FGF14: variants seen among roughly 807,000 people sequenced by gnomAD.
The protein encoded by FGF14 is fibroblast growth factor 14.
FGF14 carries 5 observed loss-of-function variants against 25.5 expected under a neutral mutation model. The ratio of observed to expected loss-of-function variants is 0.20; its 90% CI spans 0.10 to 0.41. FGF14 has a LOEUF of 0.41. Ranked by LOEUF, FGF14 falls within the 10% of genes least tolerant of loss-of-function variation. The probability of loss-of-function intolerance (pLI) is 1.00; values close to 1 mark genes in which losing one functional copy is unlikely to be tolerated. For missense variants in FGF14, 222 were observed against 320.1 expected (o/e 0.69, Z 2.34); for synonymous variants, 138 against 118.3 (o/e 1.17, Z -1.08).
rs1208852466 is a variant in FGF14, at chr13:101,850,277, TCCAAAAA to T, written c.408+18441_408+18447del. Among the ~76,000 whole-genome samples, 99 of 35,612 alleles carry T rather than the reference TCCAAAAA, an allele frequency of 2.8e-3. 8 individuals are homozygous for T. Among genetic ancestry groups the T allele is most frequent in the African/African-American group, 8.8e-3 (84 of 9,568 alleles). 23.4% of individuals were successfully genotyped at this position (35,612 alleles called of 152,430 possible). On this transcript the variant is annotated intron_variant, in intron 3 of 4. Coordinates refer to ENST00000376143, the MANE Select transcript of FGF14 (RefSeq NM_004115.4). ...GGTGAAACCCTGCCTCTACTAAAAATCCAAAAAAAAAAAAAAAAAAAAAAAAAATAGC... is the reference window on the plus strand; with the variant it reads ...GGTGAAACCCTGCCTCTACTAAAAATAAAAAAAAAAAAAAAAAAAAATAGC...
At chr13:102,036,930 C>T (rs1042696772) in intron 1 of FGF14, among the ~76,000 whole-genome samples, 2 of 152,148 alleles carry the variant, frequency 1.3e-5, no homozygotes, top group African/African-American at 4.8e-5. Flanking sequence ...ATTTTTCCTG[C>T]TTGGCAATCA....
chr13:102,137,146 A>G (rs1212993198), intron 1 of FGF14, among the ~76,000 whole-genome samples: 4 of 152,202 alleles, frequency 2.6e-5, no homozygotes, highest in Non-Finnish European at 5.9e-5. Context: ...AGCACTGTCT[A>G]TTGGGCACTC....
intron 1 of FGF14, among the ~76,000 whole-genome samples, chr13:102,092,386 G>T (rs188846935): frequency 2.6e-5 from 4 of 152,156 alleles, no homozygotes; most frequent in African/African-American, 9.7e-5. Context: ...GACCAAAACT[G>T]TGCCCACATC....
chr13:101,898,530 G>C (rs1442170202), intron 1 of FGF14, among the ~76,000 whole-genome samples: 1 of 151,936 alleles, frequency 6.6e-6, no homozygotes, highest in Non-Finnish European at 1.5e-5. Context: ...AAAATTCAAA[G>C]AATTTACATA....
intron 1 of FGF14, among the ~76,000 whole-genome samples, chr13:102,059,899 G>A (rs1479730751): frequency 2.0e-5 from 3 of 150,056 alleles, no homozygotes; most frequent in South Asian, 2.1e-4. Flanking sequence ...AGAAAGAAAA[G>A]AAACAAAACA....
At chr13:101,939,205 C>A (rs1424555772) in intron 1 of FGF14, among the ~76,000 whole-genome samples, 1 of 152,208 alleles carries the variant, frequency 6.6e-6, no homozygotes, top group Non-Finnish European at 1.5e-5. Context: ...TATACTTTCT[C>A]ATTCCAGAGA....
At chr13:102,161,639 A>AGAGGAAGAAGAAGAG (rs1566764963) in intron 1 of FGF14, among the ~76,000 whole-genome samples, 1 of 10,476 alleles carries the variant, frequency 9.5e-5, no homozygotes, top group Non-Finnish European at 1.6e-4. Flanking sequence ...AAGAAGAAGA[A>AGAGGAAGAAGAAGAG]GAAGAAGAAG....
At chr13:102,336,671 G>C (rs2138870306) in intron 1 of FGF14, among the ~76,000 whole-genome samples, 1 of 152,334 alleles carries the variant, frequency 6.6e-6, no homozygotes, top group East Asian at 1.9e-4. Flanking sequence ...TTCATAGTGA[G>C]AGAAGATAAG....
intron 1 of FGF14, among the ~76,000 whole-genome samples, chr13:101,953,538 T>C (rs1236488594): frequency 6.6e-6 from 1 of 150,916 alleles, no homozygotes; most frequent in Non-Finnish European, 1.5e-5. Flanking sequence ...ACTGCTACCT[T>C]TCTGTATGTG....
chr13:102,251,015 C>A (rs1381640810), intron 1 of FGF14, among the ~76,000 whole-genome samples: 9 of 152,172 alleles, frequency 5.9e-5, no homozygotes. Flanking sequence ...CTCCTATAAA[C>A]TTTAACACTT....
At chr13:101,935,025 T>C (rs2035011046) in intron 1 of FGF14, among the ~76,000 whole-genome samples, 1 of 152,226 alleles carries the variant, frequency 6.6e-6, no homozygotes, top group East Asian at 1.9e-4. Context: ...TAACTTGTTT[T>C]AGGCTCACTG....
At chr13:101,864,898 C>T (rs2044617828) in intron 3 of FGF14, among the ~76,000 whole-genome samples, 1 of 151,994 alleles carries the variant, frequency 6.6e-6, no homozygotes, top group South Asian at 2.1e-4. Flanking sequence ...CATACTAAAA[C>T]CAGAATTGTA....
At chr13:101,890,106 A>C (rs1217574778) in intron 1 of FGF14, among the ~76,000 whole-genome samples, 1 of 152,212 alleles carries the variant, frequency 6.6e-6, no homozygotes, top group Non-Finnish European at 1.5e-5. Context: ...AAACAAAACA[A>C]AACAAAAGAC....
At chr13:102,067,385 T>C (rs1360966925) in intron 1 of FGF14, among the ~76,000 whole-genome samples, 2 of 151,902 alleles carry the variant, frequency 1.3e-5, no homozygotes, top group Non-Finnish European at 2.9e-5. Flanking sequence ...TTTAGAAACA[T>C]TGATAATAGT....
chr13:101,899,774 G>T (rs576114588), intron 1 of FGF14, among the ~76,000 whole-genome samples: 2 of 152,070 alleles, frequency 1.3e-5, no homozygotes, highest in South Asian at 4.1e-4. Context: ...AAACTGACAG[G>T]TCTGGAGGAA....
intron 1 of FGF14, among the ~76,000 whole-genome samples, chr13:102,360,216 T>G (rs1317826379): frequency 6.6e-6 from 1 of 152,212 alleles, no homozygotes; most frequent in African/African-American, 2.4e-5. Flanking sequence ...TGAAGAAGGA[T>G]CAAGATCATC....
At chr13:101,764,964 T>C (rs191087578) in intron 3 of FGF14, among the ~76,000 whole-genome samples, 5 of 152,242 alleles carry the variant, frequency 3.3e-5, no homozygotes, top group Admixed American at 3.3e-4. Context: ...GACTGTAACT[T>C]CCCCCATCTA....
rs35773516 is a variant in FGF14, at chr13:102,044,360, TAA to T, written c.209-169066_209-169065del. ...AAACTGCAAAAGATGATTGCAATGA[TAA>T]AAAAAAAAACTGCTTTTATTAAATG... On this transcript the variant is annotated intron_variant, in intron 1 of 4. Coordinates refer to the FGF14 transcript ENST00000376131. 5.3e-3 allele frequency among the ~76,000 whole-genome samples: 774 copies of T among 147,008 alleles called. 6 individuals are homozygous for T. The highest frequency in any genetic ancestry group is 0.018 in the African/African-American group (726 of 40,540).
intron 1 of FGF14, among the ~76,000 whole-genome samples, chr13:102,048,093 T>A (rs2042069490): frequency 6.6e-6 from 1 of 151,934 alleles, no homozygotes; most frequent in Admixed American, 6.6e-5. Context: ...ATTAAAAGAG[T>A]TTCTATTCCA....
Sources: allele counts gnomAD v4.1 joint callset (sites outside exome capture counted in the v4.1 genomes callset), GRCh38; gene constraint gnomAD v4.1.1; transcripts MANE v1.5; gene names NCBI Gene and HGNC (gene_info 2026-07-23, HGNC 2026-07-21).